The following HOOK3 variants were observed in gnomAD, a reference collection of about 807,000 sequenced individuals.
The protein encoded by HOOK3 is protein Hook homolog 3.
A neutral mutation model predicts 116.3 loss-of-function variants in HOOK3; 24 were observed. That is an observed-to-expected ratio of 0.21 (90% confidence interval 0.15 to 0.29). The LOEUF (loss-of-function observed/expected upper bound fraction) is 0.29. HOOK3 is among the 10% of genes least tolerant of loss of function. The pLI, the probability that HOOK3 is intolerant of heterozygous loss-of-function variation, is 1.00. For synonymous variants in HOOK3, 275 were observed against 283.0 expected (o/e 0.97, Z 0.28); for missense variants, 632 against 830.2 (o/e 0.76, Z 2.93).
intron 21 of HOOK3, among the ~76,000 whole-genome samples, chr8:43,016,377 C>T (rs192966678): frequency 1.3e-5 from 2 of 152,248 alleles, no homozygotes; most frequent in Non-Finnish European, 2.9e-5. Flanking sequence ...TCCTCGGCCT[C>T]CCAAAGTGCT....
At chr8:42,950,263 G>A in intron 5 of HOOK3, 125 bp from the exon 6 acceptor site, 1 of 656,154 alleles carries the variant, frequency 1.5e-6, no homozygotes, top group East Asian at 2.6e-5. Flanking sequence ...AATGGTGTAT[G>A]TGGGATTCCT....
chr8:42,989,011 G>T (rs1809103476), intron 15 of HOOK3, among the ~76,000 whole-genome samples: 1 of 152,148 alleles, frequency 6.6e-6, no homozygotes, highest in African/African-American at 2.4e-5. Context: ...GCCCATGTAT[G>T]TCACCTGTCA....
intron 1 of HOOK3, among the ~76,000 whole-genome samples, chr8:42,903,478 G>A (rs1435404772): frequency 2.0e-5 from 3 of 149,818 alleles, no homozygotes; most frequent in South Asian, 2.1e-4. Flanking sequence ...CCGAGTAGCT[G>A]GGACTACAGG....
At chr8:42,921,103 A>C (rs1244863965) in intron 2 of HOOK3, among the ~76,000 whole-genome samples, 2 of 152,030 alleles carry the variant, frequency 1.3e-5, no homozygotes, top group African/African-American at 4.8e-5. Flanking sequence ...TAAATTGCAC[A>C]TGAAGTATTT....
rs1345336554 is a variant in HOOK3, at chr8:42,914,388, A to G, written c.143+8130A>G. On this transcript the variant is annotated intron_variant, in intron 2 of 21. Coordinates refer to ENST00000307602, the MANE Select transcript of HOOK3 (RefSeq NM_032410.4). Reference sequence around the variant, plus strand: ...ACTTCATCTTCACTTACTCATTCCCATGATTATGCCCTATACCTTATAATT... The same window carrying G: ...ACTTCATCTTCACTTACTCATTCCCGTGATTATGCCCTATACCTTATAATT... 2.0e-5 allele frequency among the ~76,000 whole-genome samples: 3 copies of G among 152,302 alleles called. No individual in the cohort carries two copies. In the East Asian group the frequency reaches 5.8e-4, roughly 29 times the overall value.
intron 3 of HOOK3, among the ~76,000 whole-genome samples, chr8:42,927,051 C>T (rs1807779037): frequency 6.6e-6 from 1 of 152,166 alleles, no homozygotes; most frequent in Non-Finnish European, 1.5e-5. Context: ...CTGGCAAAGA[C>T]TCAGACATAC....
intron 2 of HOOK3, among the ~76,000 whole-genome samples, chr8:42,920,856 C>T (rs1366592518): frequency 6.6e-6 from 1 of 152,198 alleles, no homozygotes; most frequent in African/African-American, 2.4e-5. Context: ...TGTGAATGCG[C>T]AGTGCCTGGT....
intron 2 of HOOK3, among the ~76,000 whole-genome samples, chr8:42,918,165 C>G (rs1807568101): frequency 6.6e-6 from 1 of 152,010 alleles, no homozygotes; most frequent in Admixed American, 6.5e-5. Context: ...TGGTGAAACC[C>G]TGTCTCTACT....
chr8:42,908,572 C>G (rs541402642), intron 2 of HOOK3, among the ~76,000 whole-genome samples: 1 of 152,312 alleles, frequency 6.6e-6, no homozygotes, highest in East Asian at 1.9e-4. Flanking sequence ...GGACAAGTCT[C>G]TTCAGTAAAG....
At chr8:42,902,682 T>C (rs979269704) in intron 1 of HOOK3, among the ~76,000 whole-genome samples, 1 of 152,220 alleles carries the variant, frequency 6.6e-6, no homozygotes, top group African/African-American at 2.4e-5. Flanking sequence ...TCATTCATTC[T>C]GAAGCAACAC....
intron 21 of HOOK3, among the ~76,000 whole-genome samples, chr8:43,015,331 T>C (rs1809691755): frequency 6.6e-6 from 1 of 152,078 alleles, no homozygotes. Flanking sequence ...GAGACCAGCC[T>C]GGCCAACATG....
intron 16 of HOOK3, among the ~76,000 whole-genome samples, chr8:42,999,426 G>C (rs918492485): frequency 6.6e-6 from 1 of 152,206 alleles, no homozygotes; most frequent in Non-Finnish European, 1.5e-5. Flanking sequence ...AGCTGAAACT[G>C]TGCCTCCAAA....
intron 2 of HOOK3, among the ~76,000 whole-genome samples, chr8:42,908,236 C>G (rs1178858335): frequency 6.6e-6 from 1 of 152,204 alleles, no homozygotes; most frequent in Non-Finnish European, 1.5e-5. Flanking sequence ...AATGCCCATA[C>G]TACTGAAAGT....
At position 42,927,425 on chromosome 8, in the gene HOOK3, T is replaced by C. The variant is rs552049389; in HGVS notation, c.216+1796T>C. ...GCGCACGCCATGATGCCTGGCTAAT[T>C]TTTGTATTTTTCAGTAGAGATGGTT... On this transcript the variant is annotated intron_variant, in intron 3 of 21. Coordinates refer to ENST00000307602, the MANE Select transcript of HOOK3 (RefSeq NM_032410.4). Among the ~76,000 whole-genome samples, 44 of 151,564 alleles carry C rather than the reference T, an allele frequency of 2.9e-4. No homozygotes were observed. In the Middle Eastern group the frequency reaches 0.01, roughly 35 times the overall value.
At chr8:42,914,835 C>T (rs986622670) in intron 2 of HOOK3, among the ~76,000 whole-genome samples, 3 of 152,052 alleles carry the variant, frequency 2.0e-5, no homozygotes, top group Admixed American at 2.0e-4. Context: ...AATATTTCTC[C>T]ACCGGGCGCC....
Position 43,020,204 on chromosome 8 carries a change from T to C in HOOK3, c.*1706T>C, listed in dbSNP as rs901258497. 5.0e-6 allele frequency: 1 copy of C among 200,206 alleles called. No homozygotes were observed. Among genetic ancestry groups the C allele is most frequent in the Non-Finnish European group, 1.0e-5 (1 of 97,116 alleles). 12.4% of individuals were successfully genotyped at this position (200,206 alleles called of 1,614,324 possible). On this transcript the variant is annotated 3_prime_UTR_variant, in exon 22 of 22. Transcript: ENST00000307602. ...TAATTTTTTACATTAAGTACAGAAG[T>C]CTGAGCACAGCATGAATGCTTCTGC...
Position 42,966,528 on chromosome 8 carries a change from A to G in HOOK3, c.835A>G (p.Ile279Val), listed in dbSNP as rs1808635845. ...ACGTTGTGAAGAGTTAGAAAAGGAGATCTCTGAACTTCGGCAACAGAATGA... is the reference window on the plus strand; with the variant it reads ...ACGTTGTGAAGAGTTAGAAAAGGAGGTCTCTGAACTTCGGCAACAGAATGA... ...RIRCEELEKE[I>V]SELRQQNDEL... Residue 279 changes from isoleucine to valine, a missense_variant, in exon 10 of 22, where the codon ATC becomes GTC. Physicochemically the swap from Ile to Val is conservative, Grantham distance 29. This residue lies in a region of HOOK3 where 483 missense variants were observed against 648.1 expected (regional missense o/e 0.75). Transcript: ENST00000307602. 1.9e-6 allele frequency: 3 copies of G among 1,613,956 alleles called. No individual in the cohort carries two copies. Among genetic ancestry groups the G allele is most frequent in the Non-Finnish European group, 2.5e-6 (3 of 1,179,950 alleles).
intron 4 of HOOK3, among the ~76,000 whole-genome samples, chr8:42,931,423 C>A (rs1325414025): frequency 1.4e-5 from 2 of 144,608 alleles, no homozygotes; most frequent in Non-Finnish European, 1.5e-5. Context: ...TTCTTCTCTT[C>A]TCTTTTTTTT....
chr8:42,903,745 CAG>C (rs1491422440), intron 1 of HOOK3, among the ~76,000 whole-genome samples: 8 of 524 alleles, frequency 0.015, no homozygotes, highest in Admixed American at 0.13. Flanking sequence ...ATGACGAGGT[CAG>C]AGATGAGGAC....
Sources: allele counts gnomAD v4.1 joint callset (sites outside exome capture counted in the v4.1 genomes callset), GRCh38; gene constraint gnomAD v4.1.1; regional missense constraint gnomAD v4.1.1; transcripts MANE v1.5; gene names NCBI Gene and HGNC (gene_info 2026-07-23, HGNC 2026-07-21).